The following PRR23E variants were observed in gnomAD, a reference collection of about 807,000 sequenced individuals.
PRR23E encodes proline-rich protein 23E.
the PRR23E span, chr3:127,196,739 C>T: frequency 3.1e-6 from 5 of 1,594,232 alleles, no homozygotes; most frequent in African/African-American, 2.7e-5. Flanking sequence ...GCCGTGCCTT[C>T]GAGGCCTCCG....
chr3:127,197,347 AC>A, the PRR23E span: 1 of 1,592,518 alleles, frequency 6.3e-7, no homozygotes, highest in East Asian at 2.2e-5. Context: ...TCTCAGCTGG[AC>A]CCGGGCTGCT....
chr3:127,195,229 G>C, the PRR23E span, among the ~76,000 whole-genome samples: 2 of 152,180 alleles, frequency 1.3e-5, no homozygotes, highest in African/African-American at 2.4e-5. Context: ...GCTCAAGACA[G>C]AAACTTGAAC....
the PRR23E span, chr3:127,197,975 G>T: frequency 6.6e-6 from 1 of 152,346 alleles, no homozygotes; most frequent in Non-Finnish European, 1.5e-5. Context: ...CGTGCTGTGG[G>T]CTCTGCCTAG....
chr3:127,194,268 A>T, the PRR23E span, among the ~76,000 whole-genome samples: 1 of 152,162 alleles, frequency 6.6e-6, no homozygotes, highest in African/African-American at 2.4e-5. Context: ...CCTGGGCCAC[A>T]CTGGAAGAAG....
At chr3:127,195,918 G>A in the PRR23E span, among the ~76,000 whole-genome samples, 1 of 152,106 alleles carries the variant, frequency 6.6e-6, no homozygotes, top group Non-Finnish European at 1.5e-5. Context: ...AAACACCTGG[G>A]GCTACCTGAT....
At chr3:127,196,808 T>C in the PRR23E span, 2 of 1,598,484 alleles carry the variant, frequency 1.3e-6, no homozygotes, top group South Asian at 2.2e-5. Flanking sequence ...GCTCTGCCTA[T>C]GGTTCCTGTA....
chr3:127,197,727 A>G, the PRR23E span: 3 of 225,886 alleles, frequency 1.3e-5, no homozygotes, highest in African/African-American at 6.8e-5. Flanking sequence ...GAGCTTATTT[A>G]AGCTCAATCC....
the PRR23E span, chr3:127,197,316 C>T: frequency 1.9e-6 from 3 of 1,598,598 alleles, no homozygotes; most frequent in African/African-American, 2.7e-5. Context: ...CCGCCCTCTG[C>T]CCCCTTCCCC....
At chr3:127,197,231 A>T in the PRR23E span, 4 of 1,598,964 alleles carry the variant, frequency 2.5e-6, no homozygotes, top group Non-Finnish European at 3.4e-6. Context: ...ACTTGAAGAC[A>T]TGCAAAGCCC....
At chr3:127,197,139 C>T in the PRR23E span, 5 of 1,596,008 alleles carry the variant, frequency 3.1e-6, no homozygotes, top group African/African-American at 6.7e-5. Flanking sequence ...CACCTCCAGC[C>T]ACTGTCCCCA....
the PRR23E span, chr3:127,197,658 C>G: frequency 5.2e-6 from 2 of 381,384 alleles, no homozygotes; most frequent in Admixed American, 4.5e-5. Flanking sequence ...GTCCTGGGCC[C>G]GCCCTCTAGT....
chr3:127,196,844 T>A, the PRR23E span: 1 of 1,598,374 alleles, frequency 6.3e-7, no homozygotes, highest in Non-Finnish European at 8.5e-7. Context: ...AGCCTGTAAC[T>A]GACCTGGCCC....
At chr3:127,197,066 A>G in the PRR23E span, 53 of 1,595,976 alleles carry the variant, frequency 3.3e-5, no homozygotes, top group Middle Eastern at 3.3e-4. Flanking sequence ...CCCCCAACCT[A>G]TTTCCTTTCC....
At chr3:127,193,304 C>A in the PRR23E span, 3 of 152,226 alleles carry the variant, frequency 2.0e-5, no homozygotes, top group African/African-American at 7.2e-5. Flanking sequence ...CAAAGTTAGC[C>A]TTATGGGATG....
chr3:127,194,073 A>G, the PRR23E span, among the ~76,000 whole-genome samples: 1 of 152,224 alleles, frequency 6.6e-6, no homozygotes, highest in East Asian at 1.9e-4. Flanking sequence ...GATTTTGAAC[A>G]TGATAATTTT....
chr3:127,197,447 CA>C, the PRR23E span: 1 of 1,466,752 alleles, frequency 6.8e-7, no homozygotes, highest in Non-Finnish European at 9.0e-7. Context: ...ACCCAACAAT[CA>C]GAGACATGTC....
the PRR23E span, chr3:127,197,025 C>T: frequency 1.4e-5 from 22 of 1,596,232 alleles, no homozygotes; most frequent in Non-Finnish European, 1.9e-5. Flanking sequence ...CTTTGACCCC[C>T]TCATAGGAAG....
the PRR23E span, chr3:127,197,577 T>A: frequency 5.2e-6 from 2 of 381,432 alleles, no homozygotes; most frequent in Non-Finnish European, 7.9e-6. Context: ...CTCTATTTGC[T>A]ATTTCTCTTT....
the PRR23E span, chr3:127,197,280 C>G: frequency 6.3e-7 from 1 of 1,599,324 alleles, no homozygotes; most frequent in Admixed American, 1.7e-5. Flanking sequence ...TATTTGGGCA[C>G]CTTTGCCCTG....
Sources: gnomAD v4.1 joint callset for allele counts (sites outside exome capture counted in the v4.1 genomes callset) on GRCh38, gnomAD v4.1.1 for gene constraint, MANE v1.5 for transcripts, NCBI Gene and HGNC (gene_info 2026-07-23, HGNC 2026-07-21) for gene names.